KHDC1: variants seen among roughly 807,000 people sequenced by gnomAD.
The protein encoded by KHDC1 is KH homology domain-containing protein 1.
KHDC1 carries 21 observed loss-of-function variants against 24.7 expected under a neutral mutation model. The observed-to-expected ratio is 0.85, with a 90% CI of 0.60 to 1.23. The LOEUF is 1.23. Ranked by LOEUF, KHDC1 falls within the 50% of genes most tolerant of loss-of-function variation. The pLI is 0.00. For missense variants in KHDC1, 274 were observed against 298.5 expected, an observed-to-expected ratio of 0.92 and a Z score of 0.61; for synonymous variants, 98 against 111.7, an observed-to-expected ratio of 0.88 and a Z score of 0.77.
intron 2 of KHDC1, among the ~76,000 whole-genome samples, chr6:73,258,502 A>G (rs1766923162): frequency 6.6e-6 from 1 of 152,230 alleles, no homozygotes; most frequent in Non-Finnish European, 1.5e-5. Context: ...AAGGTCTCCT[A>G]CTACTGCTTG....
intron 2 of KHDC1, among the ~76,000 whole-genome samples, chr6:73,254,830 G>A (rs112348610): frequency 5.9e-5 from 9 of 152,024 alleles, no homozygotes; most frequent in African/African-American, 1.4e-4. Flanking sequence ...GTGAAACCCC[G>A]TCTCTACTAA....
Position 73,292,951 on chromosome 6 carries a change from T to C in KHDC1, c.164-911A>G. On this transcript the variant is annotated intron_variant, in intron 1 of 4. Coordinates refer to ENST00000370384, the Ensembl canonical transcript of KHDC1. The stretch of plus-strand genomic sequence containing the variant: ...TTAAGGATTTCATTGACAATGCCCA[T>C]CTCTTCATATTTGAGACTTTCTGTC... 3 of 887,162 alleles carry C rather than the reference T, an allele frequency of 3.4e-6. No individual in the cohort carries two copies. In the South Asian group the frequency reaches 4.0e-5, roughly 12 times the overall value. 55.0% of individuals were successfully genotyped at this position (887,162 alleles called of 1,614,324 possible).
At chr6:73,260,178 T>A (rs1263961877) in intron 2 of KHDC1, among the ~76,000 whole-genome samples, 1 of 152,160 alleles carries the variant, frequency 6.6e-6, no homozygotes, top group African/African-American at 2.4e-5. Flanking sequence ...TATATCCATA[T>A]AAAAAACATT....
rs918721697 is a variant in KHDC1 at position 73,299,548 on chromosome 6, G to C, written c.164-7508C>G. 3 of 152,366 alleles carry C rather than the reference G, an allele frequency of 2.0e-5. No individual in the cohort carries two copies. In the East Asian group the frequency reaches 5.8e-4, roughly 29 times the overall value. 9.4% of individuals were successfully genotyped at this position (152,366 alleles called of 1,614,324 possible). On this transcript the variant is annotated intron_variant, in intron 1 of 4. Transcript: ENST00000370384. ...CTGCGCTGGGTGGCGTCAAGGAGCC[G>C]CCCCTCTGGGCCGCGTCCCTCCCTC...
chr6:73,254,213 C>A (rs917044574), intron 2 of KHDC1, among the ~76,000 whole-genome samples: 2 of 151,444 alleles, frequency 1.3e-5, no homozygotes, highest in Admixed American at 6.6e-5. Flanking sequence ...TAATCCCAGC[C>A]CTTTGGGAGG....
At chr6:73,245,643 T>G (rs1766651614) in intron 2 of KHDC1, among the ~76,000 whole-genome samples, 1 of 152,204 alleles carries the variant, frequency 6.6e-6, no homozygotes, top group Admixed American at 6.5e-5. Flanking sequence ...AGAATTCATT[T>G]TTTTCCTTCT....
At chr6:73,241,605 C>A (rs1433374915) in exon 5 of KHDC1, 2 of 1,614,220 alleles carry the variant, frequency 1.2e-6, no homozygotes, top group South Asian at 2.2e-5. Flanking sequence ...AACGCTAAGA[C>A]ACACGGTTCC....
rs981169584 is a variant in KHDC1 at position 73,292,186 on chromosome 6, C to T, written c.164-146G>A. On this transcript the variant is annotated intron_variant, in intron 1 of 4. Transcript: ENST00000370384. The stretch of plus-strand genomic sequence containing the variant: ...CTCATGCTTTGAAAGAGAATAGAAC[C>T]ACAGTTGTTGCACAACTGAAACAGC... The T allele has an allele frequency of 4.0e-6, 6 of 1,508,174 alleles. No homozygotes were observed. In the Admixed American group the frequency reaches 1.0e-4, roughly 25 times the overall value. 93.4% of individuals were successfully genotyped at this position (1,508,174 alleles called of 1,614,324 possible).
At chr6:73,308,437 C>T (rs1312208345) in intron 1 of KHDC1, among the ~76,000 whole-genome samples, 1 of 151,956 alleles carries the variant, frequency 6.6e-6, no homozygotes, top group African/African-American at 2.4e-5. Context: ...TCTTGAGCTC[C>T]TGACCTCGGG....
intron 2 of KHDC1, among the ~76,000 whole-genome samples, chr6:73,258,152 G>A (rs558254335): frequency 3.3e-5 from 5 of 152,314 alleles, no homozygotes; most frequent in African/African-American, 9.6e-5. Flanking sequence ...CTACTCTGGA[G>A]GCTGAGGCAG....
At chr6:73,264,459 G>C (rs902919652) in intron 2 of KHDC1, among the ~76,000 whole-genome samples, 2 of 152,206 alleles carry the variant, frequency 1.3e-5, no homozygotes, top group African/African-American at 4.8e-5. Flanking sequence ...GAGGCAGGTT[G>C]CCCTCTTGGG....
At chr6:73,291,048 G>A (rs891533757) in intron 2 of KHDC1, 33 of 409,932 alleles carry the variant, frequency 8.1e-5, no homozygotes, top group Non-Finnish European at 1.4e-4. Context: ...GGCTGCAGCT[G>A]AAAAAGGAGG....
intron 2 of KHDC1, among the ~76,000 whole-genome samples, chr6:73,265,934 TG>T (rs201924033): frequency 2.0e-5 from 3 of 151,928 alleles, no homozygotes; most frequent in East Asian, 1.9e-4. Flanking sequence ...TTCTTTTTTT[TG>T]GGGGGAGACG....
intron 2 of KHDC1, 27 bp from the exon 1 acceptor site, chr6:73,263,223 G>C (rs510551): frequency 2.0e-6 from 2 of 986,306 alleles, no homozygotes; most frequent in East Asian, 1.1e-4. Flanking sequence ...GAAGCGCGCG[G>C]CTGCGGCGCG....
intron 2 of KHDC1, among the ~76,000 whole-genome samples, chr6:73,251,153 G>C (rs960999953): frequency 3.3e-5 from 5 of 152,122 alleles, no homozygotes; most frequent in Non-Finnish European, 7.3e-5. Flanking sequence ...TAATCAAAAT[G>C]TATATGCAAT....
chr6:73,242,073 A>G, exon 4 of KHDC1: 1 of 1,613,198 alleles, frequency 6.2e-7, no homozygotes, highest in Non-Finnish European at 8.5e-7. Flanking sequence ...TGATGATAGG[A>G]GTCCTGGCTC....
At chr6:73,244,332 T>C (rs1766626339) in intron 2 of KHDC1, among the ~76,000 whole-genome samples, 1 of 152,088 alleles carries the variant, frequency 6.6e-6, no homozygotes, top group Non-Finnish European at 1.5e-5. Flanking sequence ...ATGTGAACAT[T>C]GCTTGAGTGA....
At chr6:73,248,842 A>C (rs1766723549) in intron 2 of KHDC1, among the ~76,000 whole-genome samples, 1 of 152,032 alleles carries the variant, frequency 6.6e-6, no homozygotes, top group South Asian at 2.1e-4. Flanking sequence ...ATTGCGTATC[A>C]GTGTTAATGT....
chr6:73,304,669 C>A (rs1767929997), intron 1 of KHDC1, among the ~76,000 whole-genome samples: 1 of 152,036 alleles, frequency 6.6e-6, no homozygotes, highest in South Asian at 2.1e-4. Flanking sequence ...TACTTTAAAA[C>A]AAAAATTAAG....
Sources: gnomAD v4.1 joint callset for allele counts (sites outside exome capture counted in the v4.1 genomes callset) on GRCh38, gnomAD v4.1.1 for gene constraint, MANE v1.5 for transcripts, NCBI Gene and HGNC (gene_info 2026-07-23, HGNC 2026-07-21) for gene names.